CADM2: variants seen among roughly 807,000 people sequenced by gnomAD.
CADM2 encodes the protein immunoglobulin superfamily member 4D.
Under a neutral mutation model 49.8 loss-of-function variants are expected in CADM2, and 12 were observed. The ratio of observed to expected loss-of-function variants is 0.24; its 90% CI spans 0.15 to 0.39. The LOEUF (loss-of-function observed/expected upper bound fraction) is 0.39. CADM2 is among the 10% of genes least tolerant of loss of function. The probability of loss-of-function intolerance (pLI) is 1.00; values close to 1 mark genes in which losing one functional copy is unlikely to be tolerated. For synonymous variants in CADM2, 214 were observed against 175.4 expected (o/e 1.22, Z -1.74); for missense variants, 378 against 492.3 (o/e 0.77, Z 2.20).
chr3:85,049,234 T>A (rs2035783371), intron 1 of CADM2, among the ~76,000 whole-genome samples: 1 of 152,130 alleles, frequency 6.6e-6, no homozygotes, highest in Non-Finnish European at 1.5e-5. Flanking sequence ...GAATTGAAAG[T>A]GAAGTAGTAA....
At chr3:85,126,926 A>T (rs768822804) in intron 1 of CADM2, among the ~76,000 whole-genome samples, 1 of 152,162 alleles carries the variant, frequency 6.6e-6, no homozygotes, top group South Asian at 2.1e-4. Flanking sequence ...AACTAATTTC[A>T]TTATGCAAAT....
chr3:85,238,340 T>C (rs532862151), intron 1 of CADM2, among the ~76,000 whole-genome samples: 2 of 152,088 alleles, frequency 1.3e-5, no homozygotes, highest in East Asian at 1.9e-4. Context: ...TTATGTCAAC[T>C]TTTCTATTTT....
At chr3:86,055,623 T>G (rs1351161396) in intron 8 of CADM2, among the ~76,000 whole-genome samples, 2 of 151,992 alleles carry the variant, frequency 1.3e-5, no homozygotes, top group East Asian at 3.9e-4. Context: ...CATGCCACCA[T>G]GCCTGGCTAA....
intron 1 of CADM2, among the ~76,000 whole-genome samples, chr3:85,287,419 T>C (rs965491978): frequency 6.6e-6 from 1 of 152,170 alleles, no homozygotes; most frequent in Non-Finnish European, 1.5e-5. Context: ...GAGTTTCATA[T>C]GCTATATTGC....
At chr3:85,798,339 G>T (rs1412916694) in intron 2 of CADM2, among the ~76,000 whole-genome samples, 1 of 152,090 alleles carries the variant, frequency 6.6e-6, no homozygotes, top group Non-Finnish European at 1.5e-5. Context: ...TGAAGTCTTT[G>T]CCCATGCCTA....
rs188094244 is a variant in CADM2, at chr3:85,950,894, G to A, written c.792-10575G>A. Among the ~76,000 whole-genome samples the A allele has an allele frequency of 2.1e-3, 324 of 151,140 alleles. 2 individuals carry two copies. The highest frequency in any genetic ancestry group is 3.8e-3 in the Non-Finnish European group (255 of 67,332). ...GTATAAGTAGATAAACTTAGAATCA[G>A]CGTTTCAATTTACAGTTTAAGGGAG... On this transcript the variant is annotated intron_variant, in intron 7 of 9. Coordinates refer to ENST00000383699, the MANE Select transcript of CADM2 (RefSeq NM_001167675.2).
At chr3:85,532,511 C>T (rs2061337266) in intron 1 of CADM2, among the ~76,000 whole-genome samples, 1 of 151,976 alleles carries the variant, frequency 6.6e-6, no homozygotes, top group African/African-American at 2.4e-5. Flanking sequence ...TAGTTCACTC[C>T]ACTCCACTCT....
intron 1 of CADM2, among the ~76,000 whole-genome samples, chr3:85,013,256 A>G (rs2107262481): frequency 6.6e-6 from 1 of 152,044 alleles, no homozygotes; most frequent in Admixed American, 6.5e-5. Context: ...TAGGAAGAAA[A>G]ATCTATTTTA....
chr3:85,000,336 C>T (rs1295241389), intron 1 of CADM2, among the ~76,000 whole-genome samples: 1 of 151,390 alleles, frequency 6.6e-6, no homozygotes, highest in African/African-American at 2.4e-5. Flanking sequence ...CTATGTTGCT[C>T]AGGCTGGACT....
chr3:85,581,944 T>C (rs929831113), intron 1 of CADM2, among the ~76,000 whole-genome samples: 1 of 146,478 alleles, frequency 6.8e-6, no homozygotes, highest in Non-Finnish European at 1.5e-5. Context: ...TTGTTTTGTT[T>C]TTTAATGAAG....
chr3:85,709,084 G>A (rs1348099538), intron 1 of CADM2, among the ~76,000 whole-genome samples: 1 of 151,978 alleles, frequency 6.6e-6, no homozygotes, highest in African/African-American at 2.4e-5. Context: ...GTTTATTATC[G>A]TTAGTGAAAA....
intron 1 of CADM2, among the ~76,000 whole-genome samples, chr3:85,652,286 G>T (rs2065065377): frequency 6.6e-6 from 1 of 152,198 alleles, no homozygotes; most frequent in South Asian, 2.1e-4. Context: ...AGAAGCAGGG[G>T]TTAGCGTGTG....
intron 1 of CADM2, among the ~76,000 whole-genome samples, chr3:85,301,703 T>C (rs944935890): frequency 4.6e-5 from 7 of 152,148 alleles, no homozygotes; most frequent in African/African-American, 1.7e-4. Context: ...GTACATGGCA[T>C]CTGCAGATTA....
At chr3:85,296,252 A>G (rs2043961401) in intron 1 of CADM2, among the ~76,000 whole-genome samples, 1 of 152,068 alleles carries the variant, frequency 6.6e-6, no homozygotes. Context: ...GGTATAAAGT[A>G]CAGCTAAGAC....
chr3:85,598,379 G>A (rs997872737), intron 1 of CADM2, among the ~76,000 whole-genome samples: 1 of 151,894 alleles, frequency 6.6e-6, no homozygotes. Flanking sequence ...CTCCAGGATA[G>A]TAAAATCTCT....
chr3:86,021,055 G>A (rs7626485), intron 8 of CADM2, among the ~76,000 whole-genome samples: 106,110 of 151,994 alleles, frequency 0.7, 38,699 homozygotes, highest in African/African-American at 0.92. Flanking sequence ...GCTGGAGTGC[G>A]GTGACGAGAT....
At chr3:85,031,551 G>T (rs2034978019) in intron 1 of CADM2, among the ~76,000 whole-genome samples, 2 of 152,098 alleles carry the variant, frequency 1.3e-5, no homozygotes, top group South Asian at 4.1e-4. Context: ...GTCTCGCTCT[G>T]TCGCCCGGGC....
chr3:85,518,214 C>G (rs143906317), intron 1 of CADM2, among the ~76,000 whole-genome samples: 184 of 152,266 alleles, frequency 1.2e-3, no homozygotes, highest in African/African-American at 4.1e-3. Flanking sequence ...TGGTCTCAAA[C>G]TCTTGGCTTC....
intron 1 of CADM2, among the ~76,000 whole-genome samples, chr3:85,359,089 G>A (rs2032112017): frequency 6.6e-6 from 1 of 152,076 alleles, no homozygotes; most frequent in Admixed American, 6.6e-5. Flanking sequence ...CATTACACTT[G>A]CCAGTGATTC....
Sources: allele counts gnomAD v4.1 joint callset (sites outside exome capture counted in the v4.1 genomes callset), GRCh38; gene constraint gnomAD v4.1.1; transcripts MANE v1.5; gene names NCBI Gene and HGNC (gene_info 2026-07-23, HGNC 2026-07-21).